Variants in KRT14 observed in about 807,000 individuals in gnomAD.
KRT14 encodes the protein keratin 14, also known as keratin, type I cytoskeletal 14.
Under a neutral mutation model 44.5 loss-of-function variants are expected in KRT14, and 30 were observed. That is an observed-to-expected ratio of 0.67 (90% CI 0.50 to 0.92). KRT14 has a LOEUF of 0.92. KRT14 is among the 40% of genes least tolerant of loss of function. KRT14 has a pLI of 0.00. For missense variants in KRT14, 535 were observed against 640.6 expected (o/e 0.84, Z 1.78); for synonymous variants, 241 against 257.6 (o/e 0.94, Z 0.62).
intron 1 of KRT14, 127 bp downstream of exon 1, chr17:41,586,183 C>G: frequency 1.6e-6 from 2 of 1,263,116 alleles, no homozygotes; most frequent in Non-Finnish European, 2.3e-6. Context: ...CATCCAAGAC[C>G]TCGAAAGAAG....
Position 41,584,414 on chromosome 17 carries a change from C to G in KRT14, c.609-1G>C. On this transcript the variant is annotated splice_acceptor_variant, in intron 2 of 7. Transcript: ENST00000167586. LOFTEE classifies it high-confidence loss of function. ...GCGCAGGTTCAACTCTGTCTCATACCTGGAATGACCCCAGAGAAAAGGTAT... is the reference window on the plus strand; with the variant it reads ...GCGCAGGTTCAACTCTGTCTCATACGTGGAATGACCCCAGAGAAAAGGTAT... The G allele has an allele frequency of 1.2e-6, 2 of 1,613,974 alleles. No individual in the cohort carries two copies. The highest frequency in any genetic ancestry group is 1.7e-6 in the Non-Finnish European group (2 of 1,179,996).
rs564075910 is a variant in KRT14 at position 41,585,473 on chromosome 17, C to T, written c.526-416G>A. On this transcript the variant is annotated intron_variant, in intron 1 of 7. Transcript: ENST00000167586. ...CAGTCCTCTGCAGATATGCACATTC[C>T]TTTTCAAGCTCACAGGCCATGGGAC... is the stretch of plus-strand genomic sequence containing the variant. Among the ~76,000 whole-genome samples, 483 of 152,334 alleles carry T rather than the reference C, an allele frequency of 3.2e-3. 1 individual carries two copies. Among genetic ancestry groups the T allele is most frequent in the Non-Finnish European group, 3.6e-3 (248 of 68,032 alleles).
At chr17:41,584,051 ATCTC>A (rs200977988) in intron 3 of KRT14, 130 bp from the exon 4 acceptor site, 49 of 431,784 alleles carry the variant, frequency 1.1e-4, no homozygotes, top group African/African-American at 4.0e-4. Flanking sequence ...CTCTCTCTCA[ATCTC>A]TCTCTCTCTC....
Position 41,586,363 on chromosome 17 carries a change from C to T in KRT14, c.472G>A (p.Glu158Lys). The T allele has an allele frequency of 6.2e-7, 1 of 1,613,202 alleles. No individual in the cohort carries two copies. Among genetic ancestry groups the T allele is most frequent in the Non-Finnish European group, 8.5e-7 (1 of 1,180,018 alleles). The change falls in exon 1 of 8, where the codon GAG becomes AAG. Residue 158 changes from glutamate (E) to lysine (K), a missense_variant. Transcript: ENST00000167586. ...AAGTAGGGACTGTAGTCTTTGATCT[C>T]AGCAGGCCGCTGCCTCTGGTACCAG... ...RDWYQRQRPAEIKDYSPYFKT... is the reference protein window; with the variant it reads ...RDWYQRQRPAKIKDYSPYFKT...
At chr17:41,582,726 G>A (rs1428001466) in intron 7 of KRT14, 194 bp from the exon 8 acceptor site, 2 of 634,506 alleles carry the variant, frequency 3.2e-6, no homozygotes, top group African/African-American at 3.6e-5. Context: ...GGCTCCCAAA[G>A]GTCAGAGACA....
chr17:41,582,933 G>A (rs1907380117), intron 7 of KRT14, 161 bp downstream of exon 7: 1 of 743,242 alleles, frequency 1.3e-6, no homozygotes, highest in Non-Finnish European at 2.3e-6. Context: ...GCCCTAAGGA[G>A]GGTTTAGAAA....
rs1907555789 is a variant in KRT14, at chr17:41,586,854, A to G, written c.-20T>C. ...GGTCATGGTGCAGAGGAGGGAGGTG[A>G]GCGAGCGAGCAGTTGGCTGAGTGAA... On this transcript the variant is annotated 5_prime_UTR_variant, in exon 1 of 8. Transcript: ENST00000167586. The G allele has an allele frequency of 1.3e-6, 2 of 1,568,074 alleles. No homozygotes were observed. Among genetic ancestry groups the G allele is most frequent in the African/African-American group, 2.7e-5 (2 of 73,884 alleles).
rs1423624881 is a variant in KRT14 at position 41,582,396 on chromosome 17, C to T, written c.*39G>A. ...GATCTTCCAGTGGGATCTGTGTCCA[C>T]ACGGGGGGCCTCCTAGGCCTGAGCG... On this transcript the variant is annotated 3_prime_UTR_variant, in exon 8 of 8. Coordinates refer to ENST00000167586, the MANE Select transcript of KRT14 (RefSeq NM_000526.5). 3 of 1,483,644 alleles carry T rather than the reference C, an allele frequency of 2.0e-6. No homozygotes were observed. Among genetic ancestry groups the T allele is most frequent in the Middle Eastern group, 2.2e-4 (1 of 4,570 alleles). 91.9% of individuals were successfully genotyped at this position (1,483,644 alleles called of 1,614,324 possible).
Position 41,584,979 on chromosome 17 carries a change from T to C in KRT14, c.604A>G (p.Thr202Ala). The change falls in exon 2 of 8, where the codon ACC becomes GCC. Residue 202 changes from threonine to alanine, a missense_variant. Transcript: ENST00000167586. ...NARLAADDFR[T>A]KYETELNLRM... ...GGCCCACCATTTCAAACTCACTTGGTGCGGAAGTCATCCGCGGCCAGACGG... is the reference window on the plus strand; with the variant it reads ...GGCCCACCATTTCAAACTCACTTGGCGCGGAAGTCATCCGCGGCCAGACGG... 6.2e-7 allele frequency: 1 copy of C among 1,612,436 alleles called. No homozygotes were observed. The highest frequency in any genetic ancestry group is 8.5e-7 in the Non-Finnish European group (1 of 1,178,404).
intron 2 of KRT14, 98 bp from the exon 3 acceptor site, chr17:41,584,511 T>C: frequency 7.0e-7 from 1 of 1,421,392 alleles, no homozygotes; most frequent in Middle Eastern, 2.4e-4. Context: ...GCTGGTGCCT[T>C]GTGGGTGGTT....
intron 1 of KRT14, 115 bp downstream of exon 1, chr17:41,586,195 G>C (rs1907517728): frequency 7.4e-7 from 1 of 1,360,276 alleles, no homozygotes; most frequent in African/African-American, 1.4e-5. Context: ...CGAAAGAAGG[G>C]ATCTGGGGTG....
chr17:41,583,173 T>G, intron 6 of KRT14, 33 bp from the exon 7 acceptor site: 1 of 1,609,232 alleles, frequency 6.2e-7, no homozygotes, highest in Non-Finnish European at 8.5e-7. Context: ...GATCATTAGA[T>G]ACATGGTGGG....
chr17:41,583,861 G>A lies in KRT14; in HGVS notation c.826C>T (p.Pro276Ser). ...AGAATGCGGCTCAGGTCCACGCCAG[G>A]TGCAGCGTCCATCTCCACATTGACA... ...GDVNVEMDAA[P>S]GVDLSRILNE... Residue 276 changes from proline to serine, a missense_variant, in exon 4 of 8, where the codon CCT (proline) becomes TCT (serine). Coordinates refer to ENST00000167586, the MANE Select transcript of KRT14 (RefSeq NM_000526.5). The A allele has an allele frequency of 6.2e-7, 1 of 1,614,054 alleles. No individual in the cohort carries two copies. The highest frequency in any genetic ancestry group is 8.5e-7 in the Non-Finnish European group (1 of 1,179,998).
At chr17:41,584,549 G>A in intron 2 of KRT14, 136 bp from the exon 3 acceptor site, 1 of 855,004 alleles carries the variant, frequency 1.2e-6, no homozygotes, top group Non-Finnish European at 1.9e-6. Flanking sequence ...AAATGGCGTG[G>A]TTGAACACAG....
In KRT14 at chr17:41,583,773, C is replaced by T; in HGVS notation, c.914G>A (p.Trp305Ter). 6.2e-7 allele frequency: 1 copy of T among 1,614,248 alleles called. No homozygotes were observed. Among genetic ancestry groups the T allele is most frequent in the Non-Finnish European group, 8.5e-7 (1 of 1,180,048 alleles). The change falls in exon 4 of 8, where the codon TGG becomes TAG. Residue 305 changes from tryptophan to a stop codon, truncating the protein, a stop_gained. Coordinates refer to ENST00000167586, the MANE Select transcript of KRT14 (RefSeq NM_000526.5). LOFTEE classifies it high-confidence loss of function. ...AEKNRKDAEE[W>*]FFTKTEELNR... Reference sequence around the variant, plus strand: ...AATGACACCCACCTTGGTGAAGAACCATTCCTCGGCATCCTTGCGGTTCTT... The same window carrying T: ...AATGACACCCACCTTGGTGAAGAACTATTCCTCGGCATCCTTGCGGTTCTT...
At chr17:41,585,417 C>T (rs1264637151) in intron 1 of KRT14, among the ~76,000 whole-genome samples, 1 of 152,184 alleles carries the variant, frequency 6.6e-6, no homozygotes, top group Non-Finnish European at 1.5e-5. Flanking sequence ...CCTGAGCTGA[C>T]CTCTCTTCTG....
intron 3 of KRT14, 138 bp from the exon 4 acceptor site, chr17:41,584,059 CTCTCTCTCTCTTT>C: frequency 1.8e-6 from 1 of 542,776 alleles, no homozygotes; most frequent in Non-Finnish European, 2.9e-6. Flanking sequence ...CAATCTCTCT[CTCTCTCTCTCTTT>C]TTTTTTTTTT....
chr17:41,586,780 C>G lies in KRT14; in HGVS notation c.55G>C (p.Gly19Arg). The change falls in exon 1 of 8, where the codon GGC becomes CGC. Residue 19 changes from glycine (G) to arginine (R), a missense_variant. By Grantham distance (125) the Gly-to-Arg change is moderately radical (BLOSUM62 -2). Transcript: ENST00000167586. ...TSSSSMKGSC[G>R]IGGGIGGGSS... ...CCGCCCCCGATGCCGCCCCCGATGC[C>G]GCAGGAGCCCTTCATGGAGCTGGAG... 1 of 1,587,640 alleles carries G rather than the reference C, an allele frequency of 6.3e-7. No individual in the cohort carries two copies. The highest frequency in any genetic ancestry group is 1.1e-5 in the South Asian group (1 of 88,190).
intron 3 of KRT14, 55 bp downstream of exon 3, chr17:41,584,202 C>A: frequency 6.4e-7 from 1 of 1,570,050 alleles, no homozygotes; most frequent in Non-Finnish European, 8.7e-7. Flanking sequence ...GCACGCACCA[C>A]TGTACCCAGC....
Sources: gnomAD v4.1 joint callset for allele counts (sites outside exome capture counted in the v4.1 genomes callset) on GRCh38, gnomAD v4.1.1 for gene constraint, MANE v1.5 for transcripts, NCBI Gene and HGNC (gene_info 2026-07-23, HGNC 2026-07-21) for gene names.